Variants in MYRIP observed in about 807,000 individuals in gnomAD.
MYRIP encodes the protein myosin VIIA and Rab interacting protein, also known as rab effector MyRIP.
A neutral mutation model predicts 98.0 loss-of-function variants in MYRIP; 49 were observed. The ratio of observed to expected loss-of-function variants is 0.50; its 90% CI spans 0.40 to 0.63. MYRIP has a LOEUF of 0.63. Among genes scored for constraint, MYRIP ranks in the 30% least tolerant of loss-of-function variants. The pLI is 0.00. For synonymous variants in MYRIP, 404 were observed against 409.5 expected (o/e 0.99, Z 0.16); for missense variants, 1,004 against 1,058.2 (o/e 0.95, Z 0.71).
At chr3:39,893,877 A>G (rs994961825) in intron 1 of MYRIP, among the ~76,000 whole-genome samples, 1 of 152,162 alleles carries the variant, frequency 6.6e-6, no homozygotes, top group Non-Finnish European at 1.5e-5. Flanking sequence ...AGCAAATTTA[A>G]TCAATGTTTT....
intron 2 of MYRIP, among the ~76,000 whole-genome samples, chr3:40,018,972 T>A (rs13094130): frequency 0.36 from 55,213 of 151,948 alleles, 10,075 homozygotes; most frequent in Middle Eastern, 0.4. Flanking sequence ...AAAACCTCTT[T>A]TTCATTACTT....
rs746799301 is a variant in MYRIP at position 40,209,912 on chromosome 3, T to C, written c.1724T>C (p.Leu575Pro). ...ISNEARDPQTLTDTTEEKRRN... is the reference protein window; with the variant it reads ...ISNEARDPQTPTDTTEEKRRN... ...AATGAGGCTCGGGATCCCCAGACTC[T>C]CACAGACACCACAGAGGAGAAACGG... The change falls in exon 11 of 17, where the codon CTC (leucine) becomes CCC (proline). Residue 575 changes from leucine to proline, a missense_variant. Coordinates refer to ENST00000302541, the MANE Select transcript of MYRIP (RefSeq NM_015460.4). The C allele has an allele frequency of 3.1e-6, 5 of 1,613,984 alleles. No individual in the cohort carries two copies. The highest frequency in any genetic ancestry group is 1.1e-5 in the South Asian group (1 of 91,076).
intron 12 of MYRIP, chr3:40,242,441 C>T (rs1953050697): frequency 6.7e-6 from 1 of 148,862 alleles, no homozygotes; most frequent in African/African-American, 2.5e-5. Context: ...AAAACATGAA[C>T]ATTCTGGCCT....
At chr3:39,959,313 C>G (rs1304648288) in intron 2 of MYRIP, among the ~76,000 whole-genome samples, 2 of 152,182 alleles carry the variant, frequency 1.3e-5, no homozygotes, top group East Asian at 1.9e-4. Flanking sequence ...GAAAATGTGG[C>G]ACATATACAC....
chr3:40,245,090 A>C (rs1361863457), intron 13 of MYRIP, among the ~76,000 whole-genome samples: 1 of 152,234 alleles, frequency 6.6e-6, no homozygotes, highest in Admixed American at 6.5e-5. Flanking sequence ...ACACAATAAA[A>C]ATGGGGTGAA....
intron 16 of MYRIP, among the ~76,000 whole-genome samples, chr3:40,253,247 A>G (rs1193860687): frequency 6.6e-6 from 1 of 152,182 alleles, no homozygotes; most frequent in African/African-American, 2.4e-5. Context: ...CATCACCTCT[A>G]GCATTACCAG....
chr3:39,854,844 G>C (rs1406744308), intron 1 of MYRIP, among the ~76,000 whole-genome samples: 2 of 152,176 alleles, frequency 1.3e-5, no homozygotes, highest in East Asian at 3.9e-4. Context: ...CTCTTGATGT[G>C]GTGCTTTCCC....
intron 2 of MYRIP, among the ~76,000 whole-genome samples, chr3:39,940,704 A>C (rs1638829584): frequency 1.3e-5 from 2 of 152,136 alleles, no homozygotes; most frequent in Admixed American, 6.6e-5. Flanking sequence ...CATTATTTGC[A>C]CTTAATATTT....
chr3:39,954,837 A>C (rs898505928), intron 2 of MYRIP, among the ~76,000 whole-genome samples: 2 of 152,204 alleles, frequency 1.3e-5, no homozygotes, highest in Admixed American at 1.3e-4. Flanking sequence ...AAATGACCTG[A>C]TGGAGCTGAA....
At chr3:40,100,073 G>A in intron 3 of MYRIP, 1 of 985,254 alleles carries the variant, frequency 1.0e-6, no homozygotes, top group Non-Finnish European at 1.2e-6. Flanking sequence ...CCAGAGCCCT[G>A]TGTCTTTTCT....
At chr3:40,114,730 T>C (rs541781808) in intron 3 of MYRIP, among the ~76,000 whole-genome samples, 1 of 152,376 alleles carries the variant, frequency 6.6e-6, no homozygotes, top group South Asian at 2.1e-4. Flanking sequence ...TCAAGAGCTT[T>C]GGTAGTTCAG....
intron 2 of MYRIP, among the ~76,000 whole-genome samples, chr3:40,041,160 A>C (rs936608102): frequency 2.1e-5 from 3 of 143,424 alleles, no homozygotes; most frequent in Non-Finnish European, 4.6e-5. Flanking sequence ...AATGTCAACC[A>C]ATAAATGTAG....
intron 2 of MYRIP, among the ~76,000 whole-genome samples, chr3:39,918,754 G>A (rs1033190421): frequency 6.6e-6 from 1 of 152,196 alleles, no homozygotes; most frequent in Non-Finnish European, 1.5e-5. Context: ...CTCAGAGCAT[G>A]ACCAAAAAAC....
intron 2 of MYRIP, among the ~76,000 whole-genome samples, chr3:39,989,459 C>T (rs1344751996): frequency 6.6e-6 from 1 of 152,186 alleles, no homozygotes; most frequent in Non-Finnish European, 1.5e-5. Context: ...TCTTGTATAG[C>T]ATGTCTGACA....
intron 3 of MYRIP, among the ~76,000 whole-genome samples, chr3:40,060,496 G>C (rs759177583): frequency 1.3e-5 from 2 of 151,804 alleles, no homozygotes; most frequent in Non-Finnish European, 2.9e-5. Flanking sequence ...GAATAAGGCT[G>C]ACATGTGTAT....
chr3:39,872,684 T>C (rs1942840686), intron 1 of MYRIP, among the ~76,000 whole-genome samples: 1 of 152,220 alleles, frequency 6.6e-6, no homozygotes, highest in South Asian at 2.1e-4. Flanking sequence ...TTTTTATGGC[T>C]GCATAGTATT....
intron 2 of MYRIP, among the ~76,000 whole-genome samples, chr3:39,908,016 A>C (rs369203312): frequency 1.3e-5 from 2 of 152,230 alleles, no homozygotes; most frequent in East Asian, 3.8e-4. Context: ...GGAGTCATTG[A>C]TGAGATAGCC....
chr3:39,969,961 G>C (rs898946134), intron 2 of MYRIP, among the ~76,000 whole-genome samples: 3 of 151,936 alleles, frequency 2.0e-5, no homozygotes, highest in Admixed American at 6.6e-5. Flanking sequence ...GGCTTTTTTT[G>C]GTTGGTAGGC....
At chr3:39,990,694 G>C (rs376901083) in intron 2 of MYRIP, among the ~76,000 whole-genome samples, 1 of 152,140 alleles carries the variant, frequency 6.6e-6, no homozygotes, top group Non-Finnish European at 1.5e-5. Context: ...TCTGGTCATC[G>C]TGGCCCAAGA....
Sources: gnomAD v4.1 joint callset for allele counts (sites outside exome capture counted in the v4.1 genomes callset) on GRCh38, gnomAD v4.1.1 for gene constraint, MANE v1.5 for transcripts, NCBI Gene and HGNC (gene_info 2026-07-23, HGNC 2026-07-21) for gene names.